Variants in AMZ2 observed in about 807,000 individuals in gnomAD.
AMZ2 encodes archaemetzincin-2.
A neutral mutation model predicts 36.7 loss-of-function variants in AMZ2; 26 were observed. The observed-to-expected ratio is 0.71, with a 90% CI of 0.52 to 0.98. AMZ2 has a LOEUF of 0.98. Among genes scored for constraint, AMZ2 ranks in the 50% least tolerant of loss-of-function variants. AMZ2 has a pLI of 0.00. For missense variants in AMZ2, 394 were observed against 430.5 expected, an observed-to-expected ratio of 0.92 and a Z score of 0.75; for synonymous variants, 144 against 149.1, an observed-to-expected ratio of 0.97 and a Z score of 0.25.
intron 4 of AMZ2, 63 bp from the exon 5 acceptor site, chr17:68,254,337 CTTCT>C: frequency 1.3e-6 from 2 of 1,506,792 alleles, no homozygotes; most frequent in East Asian, 2.3e-5. Flanking sequence ...CCAGCAGTCT[CTTCT>C]TTCTTTGGTC....
At chr17:68,207,779 G>A (rs1203046022) in intron 1 of AMZ2, among the ~76,000 whole-genome samples, 1 of 152,236 alleles carries the variant, frequency 6.6e-6, no homozygotes, top group African/African-American at 2.4e-5. Context: ...CCTTCAGCCC[G>A]CCACTGTACT....
Position 68,248,487 on chromosome 17 carries a change from C to T in AMZ2, c.-219C>T. 2.0e-6 allele frequency: 2 copies of T among 986,128 alleles called. No homozygotes were observed. Among genetic ancestry groups the T allele is most frequent in the Non-Finnish European group, 2.4e-6 (2 of 830,082 alleles). The allele number at this position is 986,128 out of a possible 1,614,324, so 61.1% of individuals were successfully genotyped here. On this transcript the variant is annotated 5_prime_UTR_variant, in exon 1 of 7. Transcript: ENST00000359904. ...TTTGGGACCAAAGCATCCTAGGCCT[C>T]CAGCCCACTGCAGTGACCGAATTCT...
At chr17:68,245,238 G>T (rs1457596804), upstream of AMZ2, among the ~76,000 whole-genome samples, 1 of 150,674 alleles carries the variant, frequency 6.6e-6, no homozygotes, top group African/African-American at 2.4e-5. Flanking sequence ...GAAGCACTAA[G>T]GTGTTTATTT....
chr17:68,234,108 G>A (rs1196334917), intron 1 of AMZ2, among the ~76,000 whole-genome samples: 1 of 152,090 alleles, frequency 6.6e-6, no homozygotes, highest in Non-Finnish European at 1.5e-5. Context: ...GAGGCAGGCA[G>A]ATCACCTGAG....
intron 1 of AMZ2, chr17:68,249,101 G>A (rs1353605545): frequency 1.7e-6 from 2 of 1,187,168 alleles, no homozygotes; most frequent in African/African-American, 3.2e-5. Flanking sequence ...GTCATTGTGA[G>A]GCTGGCTTTT....
intron 1 of AMZ2, among the ~76,000 whole-genome samples, chr17:68,226,588 C>A (rs536151869): frequency 6.6e-6 from 1 of 152,340 alleles, no homozygotes; most frequent in East Asian, 1.9e-4. Flanking sequence ...AAGTGTCCTC[C>A]CCTGATCTCC....
upstream of AMZ2, chr17:68,247,354 A>G (rs113119895): frequency 7.5e-6 from 1 of 134,034 alleles, no homozygotes; most frequent in African/African-American, 3.5e-5. Flanking sequence ...AAAAAAAAAA[A>G]AAAAAAGCAA....
At chr17:68,247,769 C>G (rs1313209141), upstream of AMZ2, 184 of 985,432 alleles carry the variant, frequency 1.9e-4, no homozygotes, top group Non-Finnish European at 2.1e-4. Context: ...CTGTGGCTCT[C>G]GAGAACCGGG....
chr17:68,254,379 G>A, intron 4 of AMZ2, 25 bp from the exon 5 acceptor site: 1 of 1,597,792 alleles, frequency 6.3e-7, no homozygotes, highest in Non-Finnish European at 8.5e-7. Flanking sequence ...CTCTCATTCT[G>A]TCACTGTTTG....
chr17:68,250,935 A>G lies in AMZ2; in HGVS notation c.425A>G (p.Asn142Ser), dbSNP rs142246742. The G allele has an allele frequency of 2.2e-4, 356 of 1,611,686 alleles. 1 individual carries two copies. In the African/African-American group the frequency reaches 4.2e-3, roughly 19 times the overall value. The change falls in exon 3 of 7, where the codon AAT (asparagine) becomes AGT (serine). Residue 142 changes from asparagine to serine, a missense_variant. Physicochemically the swap from Asn to Ser is conservative, Grantham distance 46. Coordinates refer to ENST00000359904, the MANE Select transcript of AMZ2 (RefSeq NM_016627.5). ...VSVTRCSFRVNENTHNLQIHA... is the reference protein window; with the variant it reads ...VSVTRCSFRVSENTHNLQIHA... Reference sequence around the variant, plus strand: ...GTAACAAGATGTTCCTTTAGAGTCAATGAGAACACACACAACCTACAAATT... The same window carrying G: ...GTAACAAGATGTTCCTTTAGAGTCAGTGAGAACACACACAACCTACAAATT...
rs782357798 is a variant in AMZ2 at position 68,250,322 on chromosome 17, T to A, written c.135T>A (p.Ser45Arg). ...RLMNEAFQPA[S>R]DLFGPITLHS... ...TGAATGAAGCCTTCCAGCCAGCCAG[T>A]GATCTCTTTGGACCCATTACCTTGC... Residue 45 changes from serine (S) to arginine (R), a missense_variant, in exon 2 of 7, where the codon AGT becomes AGA. Physicochemically the swap from Ser to Arg is moderately radical, Grantham distance 110. Transcript: ENST00000359904. 2 of 1,614,236 alleles carry A rather than the reference T, an allele frequency of 1.2e-6. No homozygotes were observed. The highest frequency in any genetic ancestry group is 3.3e-5 in the Admixed American group (2 of 60,024).
At chr17:68,232,376 G>C (rs56930304) in intron 1 of AMZ2, among the ~76,000 whole-genome samples, 18,939 of 150,966 alleles carry the variant, frequency 0.13, 1,539 homozygotes, top group East Asian at 0.3. Context: ...TGCATCTCTA[G>C]TCCCAGCTAC....
upstream of AMZ2, chr17:68,247,741 C>T (rs2074092021): frequency 4.4e-5 from 43 of 985,514 alleles, 1 homozygote; most frequent in Non-Finnish European, 4.9e-5. Context: ...ACGGGAGACC[C>T]CAGCGACGCG....
At chr17:68,213,860 T>G (rs1365386173) in intron 1 of AMZ2, among the ~76,000 whole-genome samples, 9 of 151,998 alleles carry the variant, frequency 5.9e-5, no homozygotes, top group African/African-American at 2.2e-4. Context: ...GTTTTTAAGA[T>G]TTCCTTATCT....
At chr17:68,249,225 A>G (rs1247105620) in intron 1 of AMZ2, 8 of 493,284 alleles carry the variant, frequency 1.6e-5, no homozygotes, top group Non-Finnish European at 2.0e-5. Context: ...TAGGGCTTAC[A>G]TTAGTTTTGT....
chr17:68,252,254 G>GA, intron 4 of AMZ2, among the ~76,000 whole-genome samples: 1 of 152,220 alleles, frequency 6.6e-6, no homozygotes, highest in South Asian at 2.1e-4. Flanking sequence ...TAAGCTTTTT[G>GA]GGACAAATGT....
At chr17:68,231,909 G>T (rs12935883) in intron 1 of AMZ2, among the ~76,000 whole-genome samples, 1 of 151,908 alleles carries the variant, frequency 6.6e-6, no homozygotes, top group Non-Finnish European at 1.5e-5. Flanking sequence ...AAATTTATGG[G>T]ACATGCTTAT....
rs782614937 is a variant in AMZ2, at chr17:68,255,883, TG to T, written c.927+13del. On this transcript the variant is annotated splice_region_variant and intron_variant, in intron 6 of 6. Coordinates refer to ENST00000359904, the MANE Select transcript of AMZ2 (RefSeq NM_016627.5). ...CATTGTAGAAAGATACAAAGTAAGTTGGGGGGTGGACAGTCTAAAGAGGGGG... is the reference window on the plus strand; with the variant it reads ...CATTGTAGAAAGATACAAAGTAAGTTGGGGGTGGACAGTCTAAAGAGGGGG... 2.5e-6 allele frequency: 4 copies of T among 1,613,050 alleles called. No individual in the cohort carries two copies. The highest frequency in any genetic ancestry group is 2.2e-5 in the East Asian group (1 of 44,858).
chr17:68,214,844 C>T (rs571320058), intron 1 of AMZ2, among the ~76,000 whole-genome samples: 97 of 151,620 alleles, frequency 6.4e-4, no homozygotes, highest in African/African-American at 2.1e-3. Flanking sequence ...ACTGCAGTGG[C>T]GCTATCTTGG....
Sources: gnomAD v4.1 joint callset for allele counts (sites outside exome capture counted in the v4.1 genomes callset) on GRCh38, gnomAD v4.1.1 for gene constraint, MANE v1.5 for transcripts, NCBI Gene and HGNC (gene_info 2026-07-23, HGNC 2026-07-21) for gene names.